The following PDIA5 variants were observed in gnomAD, a reference collection of about 807,000 sequenced individuals.
The protein encoded by PDIA5 is protein disulfide isomerase family A member 5.
A neutral mutation model predicts 77.6 loss-of-function variants in PDIA5; 58 were observed. The ratio of observed to expected loss-of-function variants is 0.75; its 90% CI spans 0.61 to 0.93. The LOEUF is 0.93. Among genes scored for constraint, PDIA5 ranks in the 40% least tolerant of loss-of-function variants. The pLI is 0.00. For synonymous variants in PDIA5, 250 were observed against 252.1 expected, an observed-to-expected ratio of 0.99 and a Z score of 0.08; for missense variants, 630 against 647.7, an observed-to-expected ratio of 0.97 and a Z score of 0.30.
chr3:123,079,401 C>T (rs1933937855), intron 1 of PDIA5, among the ~76,000 whole-genome samples: 2 of 151,970 alleles, frequency 1.3e-5, no homozygotes, highest in Admixed American at 1.3e-4. Context: ...AGGATGGTCT[C>T]GATCTCCTGA....
At chr3:123,145,834 G>A (rs1267539747) in intron 12 of PDIA5, among the ~76,000 whole-genome samples, 2 of 152,210 alleles carry the variant, frequency 1.3e-5, no homozygotes, top group Admixed American at 1.3e-4. Flanking sequence ...TTTTCTCTGG[G>A]ACCCTGGCTA....
chr3:123,138,720 A>G (rs1178150481), intron 11 of PDIA5, among the ~76,000 whole-genome samples: 1 of 152,176 alleles, frequency 6.6e-6, no homozygotes, highest in Non-Finnish European at 1.5e-5. Context: ...TGCGTTTGGA[A>G]GCCTTAAAAG....
At chr3:123,097,020 A>G (rs1259065125) in intron 3 of PDIA5, among the ~76,000 whole-genome samples, 2 of 152,138 alleles carry the variant, frequency 1.3e-5, no homozygotes, top group Non-Finnish European at 2.9e-5. Context: ...TCATTGCTTA[A>G]CCACATCTGC....
At position 123,110,907 on chromosome 3, in the gene PDIA5, G is replaced by A. The variant is rs1934844364; in HGVS notation, c.481-37G>A. 4 of 1,559,210 alleles carry A rather than the reference G, an allele frequency of 2.6e-6. No homozygotes were observed. The South Asian group carries it at 4.4e-5, about 17-fold the overall frequency. On this transcript the variant is annotated intron_variant, in intron 6 of 16. Coordinates refer to ENST00000316218, the MANE Select transcript of PDIA5 (RefSeq NM_006810.4). ...GGGGGTCTCATCCTGTTACTGTGTT[G>A]TGTGCGAGCTGCTGGTATTCTCTTT...
At chr3:123,104,286 G>C (rs531735875) in intron 5 of PDIA5, among the ~76,000 whole-genome samples, 1 of 152,152 alleles carries the variant, frequency 6.6e-6, no homozygotes, top group African/African-American at 2.4e-5. Flanking sequence ...GCAGGACTGG[G>C]GCAGAATCCC....
intron 3 of PDIA5, among the ~76,000 whole-genome samples, chr3:123,095,749 C>CAACA: frequency 1.2e-5 from 1 of 86,704 alleles, no homozygotes; most frequent in South Asian, 4.4e-4. Flanking sequence ...AACTCTGTCT[C>CAACA]AAAAAAAAAA....
chr3:123,084,387 A>C (rs1420696016), intron 1 of PDIA5, among the ~76,000 whole-genome samples: 27 of 150,708 alleles, frequency 1.8e-4, no homozygotes. Flanking sequence ...CCCCACTCTG[A>C]CTGCCTGTGG....
At chr3:123,124,709 C>A (rs1319015259) in intron 10 of PDIA5, among the ~76,000 whole-genome samples, 1 of 152,214 alleles carries the variant, frequency 6.6e-6, no homozygotes, top group Non-Finnish European at 1.5e-5. Flanking sequence ...CCACATTTCA[C>A]ATCAAGTTTC....
intron 1 of PDIA5, among the ~76,000 whole-genome samples, chr3:123,079,120 C>G (rs1933926154): frequency 6.7e-6 from 1 of 148,720 alleles, no homozygotes; most frequent in South Asian, 2.1e-4. Context: ...CAGTGTTTTT[C>G]TGAGCATACT....
At chr3:123,100,751 A>G (rs1427611490) in intron 3 of PDIA5, among the ~76,000 whole-genome samples, 1 of 152,172 alleles carries the variant, frequency 6.6e-6, no homozygotes, top group Non-Finnish European at 1.5e-5. Context: ...CGTTTTTTAC[A>G]TGTCCACTGA....
At chr3:123,102,257 C>T (rs572275390) in intron 3 of PDIA5, among the ~76,000 whole-genome samples, 154 bp from the exon 4 acceptor site, 1 of 152,304 alleles carries the variant, frequency 6.6e-6, no homozygotes, top group East Asian at 1.9e-4. Flanking sequence ...TCTCCACCCT[C>T]TAGCTCTCAC....
chr3:123,087,996 G>C (rs1934185250), intron 1 of PDIA5, among the ~76,000 whole-genome samples: 3 of 152,186 alleles, frequency 2.0e-5, no homozygotes, highest in Non-Finnish European at 4.4e-5. Context: ...GGAGATGCTG[G>C]GGGCTGGGAG....
At chr3:123,133,322 G>A (rs1397436720) in intron 11 of PDIA5, among the ~76,000 whole-genome samples, 1 of 152,240 alleles carries the variant, frequency 6.6e-6, no homozygotes, top group Non-Finnish European at 1.5e-5. Flanking sequence ...AAATCACAGT[G>A]TTCCAGGTGT....
intron 13 of PDIA5, 132 bp downstream of exon 13, chr3:123,146,391 C>T: frequency 1.4e-6 from 1 of 726,654 alleles, no homozygotes; most frequent in Non-Finnish European, 2.3e-6. Flanking sequence ...ACGGATCTGA[C>T]TTCCTCAACC....
intron 10 of PDIA5, among the ~76,000 whole-genome samples, chr3:123,129,317 C>A (rs907444861): frequency 2.0e-5 from 3 of 152,198 alleles, no homozygotes; most frequent in Non-Finnish European, 4.4e-5. Context: ...TTGCCCTCTC[C>A]CTGCCTCCTT....
intron 7 of PDIA5, among the ~76,000 whole-genome samples, chr3:123,111,620 G>A (rs1257415478): frequency 6.6e-6 from 1 of 152,232 alleles, no homozygotes; most frequent in East Asian, 1.9e-4. Context: ...CAAGCCGGGT[G>A]AACTTGGCCA....
At chr3:123,142,020 A>G (rs1935647337) in intron 11 of PDIA5, among the ~76,000 whole-genome samples, 1 of 152,166 alleles carries the variant, frequency 6.6e-6, no homozygotes, top group African/African-American at 2.4e-5. Flanking sequence ...AATTGTACAT[A>G]CATGTGGAGT....
intron 3 of PDIA5, among the ~76,000 whole-genome samples, chr3:123,096,685 G>A (rs1934450208): frequency 6.6e-6 from 1 of 152,100 alleles, no homozygotes. Context: ...GTGTCTGTAG[G>A]GCATCTGACT....
chr3:123,106,795 A>G lies in PDIA5; in HGVS notation c.434A>G (p.Glu145Gly). 3 of 1,612,900 alleles carry G rather than the reference A, an allele frequency of 1.9e-6. No individual in the cohort carries two copies. Among genetic ancestry groups the G allele is most frequent in the Non-Finnish European group, 2.5e-6 (3 of 1,179,646 alleles). The change falls in exon 6 of 17, where the codon GAG becomes GGG. Residue 145 changes from glutamate (E) to glycine (G), a missense_variant. By Grantham distance (98) the Glu-to-Gly change is moderately conservative (BLOSUM62 -2). Transcript: ENST00000316218. Reference sequence around the variant, plus strand: ...GATCCAAAAGGGCCCCCACTGTGGGAGGAAGATCCTGGAGCCAAAGATGTT... The same window carrying G: ...GATCCAAAAGGGCCCCCACTGTGGGGGGAAGATCCTGGAGCCAAAGATGTT... The part of the protein sequence containing the change: ...LKDPKGPPLW[E>G]EDPGAKDVVH...
Sources: allele counts gnomAD v4.1 joint callset (sites outside exome capture counted in the v4.1 genomes callset), GRCh38; gene constraint gnomAD v4.1.1; transcripts MANE v1.5; gene names NCBI Gene and HGNC (gene_info 2026-07-23, HGNC 2026-07-21).